NLGN4X: variants seen among roughly 807,000 people sequenced by gnomAD.
The protein encoded by NLGN4X is neuroligin 4 X-linked.
A neutral mutation model predicts 40.3 loss-of-function variants in NLGN4X; 3 were observed. The ratio of observed to expected loss-of-function variants is 0.07; its 90% CI spans 0.03 to 0.19. The LOEUF (loss-of-function observed/expected upper bound fraction) is 0.19, where lower values mean the gene tolerates loss of function less well. NLGN4X is among the 10% of genes least tolerant of loss of function. The probability of loss-of-function intolerance (pLI) is 1.00; values close to 1 mark genes in which losing one functional copy is unlikely to be tolerated. For synonymous variants in NLGN4X, 270 were observed against 306.8 expected (o/e 0.88, Z 1.25); for missense variants, 382 against 708.3 (o/e 0.54, Z 5.23).
chrX:6,123,241 G>A (rs2039464118), intron 2 of NLGN4X, among the ~76,000 whole-genome samples: 1 of 111,756 alleles, frequency 8.9e-6, no homozygotes, highest in African/African-American at 3.3e-5. Flanking sequence ...AGGAGAAAAA[G>A]CAGGCGATGT....
intron 1 of NLGN4X, among the ~76,000 whole-genome samples, chrX:6,156,629 A>G (rs1352241377): frequency 8.9e-6 from 1 of 112,066 alleles, no homozygotes; most frequent in East Asian, 2.8e-4. Flanking sequence ...ATCAAATACC[A>G]CATGTTCTCA....
chrX:6,199,108 G>C (rs1923373514), intron 1 of NLGN4X, among the ~76,000 whole-genome samples: 1 of 111,566 alleles, frequency 9.0e-6, no homozygotes, highest in African/African-American at 3.3e-5. Context: ...GAATTTACCT[G>C]CAGGTTTTAG....
intron 3 of NLGN4X, among the ~76,000 whole-genome samples, chrX:5,926,010 A>C (rs1169884852): frequency 1.0e-5 from 1 of 99,216 alleles, no homozygotes; most frequent in East Asian, 3.4e-4. Context: ...GTCCCCACCC[A>C]AATCCCATCT....
chrX:6,000,217 A>C (rs1210217227), intron 3 of NLGN4X, among the ~76,000 whole-genome samples: 1 of 112,177 alleles, frequency 8.9e-6, no homozygotes, highest in Non-Finnish European at 1.9e-5. Flanking sequence ...AGCTTTCCTG[A>C]ATTCTAAAGA....
chrX:6,154,871 G>T (rs1459039365), intron 1 of NLGN4X, among the ~76,000 whole-genome samples: 1 of 111,614 alleles, frequency 9.0e-6, no homozygotes, highest in Non-Finnish European at 1.9e-5. Context: ...GACTCAGGTT[G>T]CAATTAAGGT....
chrX:6,207,356 T>G (rs1177773621), intron 1 of NLGN4X, among the ~76,000 whole-genome samples: 1 of 112,240 alleles, frequency 8.9e-6, no homozygotes, highest in Non-Finnish European at 1.9e-5. Context: ...TAACTTTTCC[T>G]TTTCTCCTAT....
intron 3 of NLGN4X, among the ~76,000 whole-genome samples, chrX:5,916,751 T>C (rs1466494596): frequency 8.9e-6 from 1 of 112,299 alleles, no homozygotes; most frequent in Non-Finnish European, 1.9e-5. Context: ...GTCCAGCCCA[T>C]TTGTTTTATT....
At chrX:5,910,462 A>AT (rs1358109278) in intron 3 of NLGN4X, among the ~76,000 whole-genome samples, 1 of 111,248 alleles carries the variant, frequency 9.0e-6, no homozygotes, top group Non-Finnish European at 1.9e-5. Flanking sequence ...TCAGCACATT[A>AT]TTATGGCCAC....
chrX:5,898,733 T>C (rs770514682), intron 5 of NLGN4X, among the ~76,000 whole-genome samples: 2 of 112,036 alleles, frequency 1.8e-5, no homozygotes, highest in African/African-American at 6.5e-5. Flanking sequence ...AAGGGAACAG[T>C]GATGGTATGC....
chrX:6,224,063 A>G (rs1925936837), intron 1 of NLGN4X, among the ~76,000 whole-genome samples: 1 of 112,486 alleles, frequency 8.9e-6, no homozygotes, highest in East Asian at 2.8e-4. Flanking sequence ...TGACATTCAC[A>G]TCTTAAGACC....
chrX:5,908,527 A>G (rs1234086394), intron 4 of NLGN4X, among the ~76,000 whole-genome samples: 2 of 111,842 alleles, frequency 1.8e-5, no homozygotes, highest in Non-Finnish European at 3.8e-5. Context: ...AATGGCAAAA[A>G]AAAACAAAAG....
chrX:6,051,712 C>T (rs1410902400), intron 2 of NLGN4X, among the ~76,000 whole-genome samples: 1 of 110,828 alleles, frequency 9.0e-6, no homozygotes, highest in Non-Finnish European at 1.9e-5. Flanking sequence ...ACCCAGTTTA[C>T]ACCATTTACC....
chrX:6,165,823 AT>A (rs2040484441), intron 1 of NLGN4X, among the ~76,000 whole-genome samples: 1 of 111,285 alleles, frequency 9.0e-6, no homozygotes, highest in Non-Finnish European at 1.9e-5. Flanking sequence ...GTCTTTATTT[AT>A]TTTTTTGTGA....
chrX:6,075,820 G>A (rs904420543), intron 2 of NLGN4X, among the ~76,000 whole-genome samples: 4 of 111,581 alleles, frequency 3.6e-5, no homozygotes, highest in African/African-American at 9.8e-5. Flanking sequence ...TCCTGATGCC[G>A]TGATTCATGT....
At chrX:6,215,386 C>T (rs1924984407) in intron 1 of NLGN4X, among the ~76,000 whole-genome samples, 1 of 110,425 alleles carries the variant, frequency 9.1e-6, no homozygotes, top group Admixed American at 9.7e-5. Flanking sequence ...CCTGTCTCTA[C>T]TAAAAATACA....
intron 2 of NLGN4X, among the ~76,000 whole-genome samples, chrX:6,051,458 TA>T (rs1226639981): frequency 1.8e-5 from 2 of 110,995 alleles, no homozygotes; most frequent in Admixed American, 1.9e-4. Flanking sequence ...AGTATCCTTT[TA>T]AGAAGAGGAG....
chrX:6,128,916 A>G lies in NLGN4X; in HGVS notation c.472+22079T>C, dbSNP rs974448027. ...GCACTTTCCCAGTTACATCCTATGG[A>G]TAAAATTCCTTGAAGTGCAATGCAT... On this transcript the variant is annotated intron_variant, in intron 2 of 5. Transcript: ENST00000381095. Among the ~76,000 whole-genome samples, 7 of 112,161 alleles carry G rather than the reference A, an allele frequency of 6.2e-5. No homozygotes were observed. In the Admixed American group the frequency reaches 6.7e-4, roughly 11 times the overall value.
intron 2 of NLGN4X, among the ~76,000 whole-genome samples, chrX:6,127,562 C>T (rs1474365849): frequency 8.9e-6 from 1 of 112,137 alleles, no homozygotes; most frequent in Non-Finnish European, 1.9e-5. Flanking sequence ...TGAGCTGAGG[C>T]TGCACCATTG....
chrX:6,165,725 T>C (rs1236683370), intron 1 of NLGN4X, among the ~76,000 whole-genome samples: 1 of 111,548 alleles, frequency 9.0e-6, no homozygotes, highest in Non-Finnish European at 1.9e-5. Flanking sequence ...AACAGAGGTA[T>C]AATAAATAAA....
Sources: allele counts gnomAD v4.1 joint callset (sites outside exome capture counted in the v4.1 genomes callset), GRCh38; gene constraint gnomAD v4.1.1; transcripts MANE v1.5; gene names NCBI Gene and HGNC (gene_info 2026-07-23, HGNC 2026-07-21).